Variants in DLG2 observed in about 807,000 individuals in gnomAD.
DLG2 encodes discs large MAGUK scaffold protein 2, also known as disks large homolog 2.
A neutral mutation model predicts 132.5 loss-of-function variants in DLG2; 45 were observed. The observed-to-expected ratio is 0.34, with a 90% CI of 0.27 to 0.44. DLG2 has a LOEUF of 0.44. Among genes scored for constraint, DLG2 ranks in the 20% least tolerant of loss-of-function variants. The pLI, the probability that DLG2 is intolerant of heterozygous loss-of-function variation, is 1.00. For synonymous variants in DLG2, 424 were observed against 419.6 expected, an observed-to-expected ratio of 1.01 and a Z score of -0.13; for missense variants, 1,045 against 1,196.9, an observed-to-expected ratio of 0.87 and a Z score of 1.87.
intron 3 of DLG2, among the ~76,000 whole-genome samples, chr11:85,544,082 T>C (rs894435786): frequency 2.0e-5 from 3 of 152,216 alleles, no homozygotes; most frequent in African/African-American, 7.2e-5. Flanking sequence ...ATGTCCTGAA[T>C]GGTATTGCCA....
intron 6 of DLG2, among the ~76,000 whole-genome samples, chr11:84,972,882 A>G (rs935434166): frequency 1.3e-5 from 2 of 151,356 alleles, no homozygotes; most frequent in Non-Finnish European, 2.9e-5. Context: ...CCTGGGTTCA[A>G]TTTTTAGTCC....
intron 20 of DLG2, among the ~76,000 whole-genome samples, chr11:83,536,052 G>GT (rs906153351): frequency 6.6e-6 from 1 of 152,134 alleles, no homozygotes; most frequent in African/African-American, 2.4e-5. Flanking sequence ...CTCAACAAAC[G>GT]TGAGATTTTT....
chr11:84,824,313 C>T (rs1039081564), intron 6 of DLG2, among the ~76,000 whole-genome samples: 2 of 151,886 alleles, frequency 1.3e-5, no homozygotes, highest in Admixed American at 6.6e-5. Context: ...ATTTGAGGCA[C>T]AGCTACTGAT....
rs187293047 is a variant in DLG2 at position 84,386,712 on chromosome 11, C to T, written c.520-135421G>A. 9.8e-4 allele frequency among the ~76,000 whole-genome samples: 149 copies of T among 152,160 alleles called. 1 individual carries two copies. The highest frequency in any genetic ancestry group is 3.4e-3 in the African/African-American group (140 of 41,520). On this transcript the variant is annotated intron_variant, in intron 7 of 27. Transcript: ENST00000376104. ...TTTTTTCTTTGCAAATCCAATGTCA[C>T]GAACCTTGGATCACTCATGAGAGAA... is the stretch of plus-strand genomic sequence containing the variant.
chr11:84,837,371 C>G (rs1027990605), intron 6 of DLG2, among the ~76,000 whole-genome samples: 4 of 151,590 alleles, frequency 2.6e-5, no homozygotes, highest in Admixed American at 1.3e-4. Flanking sequence ...CACTGAATAT[C>G]TCAGTTTGAA....
chr11:84,888,612 A>G (rs1174431155), intron 6 of DLG2, among the ~76,000 whole-genome samples: 1 of 131,562 alleles, frequency 7.6e-6, no homozygotes, highest in East Asian at 2.0e-4. Flanking sequence ...TTTCTCTGGA[A>G]AACCCTAATA....
At chr11:83,547,198 A>G (rs989025634) in intron 19 of DLG2, among the ~76,000 whole-genome samples, 1 of 152,148 alleles carries the variant, frequency 6.6e-6, no homozygotes, top group Non-Finnish European at 1.5e-5. Context: ...ATGGAAAGAC[A>G]GTATCACTAA....
chr11:84,010,967 C>A (rs994773484), intron 11 of DLG2, among the ~76,000 whole-genome samples: 1 of 152,020 alleles, frequency 6.6e-6, no homozygotes, highest in Non-Finnish European at 1.5e-5. Context: ...TCCTGTATTT[C>A]GAATTAGTTC....
At chr11:83,966,066 T>C (rs973358232) in intron 12 of DLG2, among the ~76,000 whole-genome samples, 2 of 152,068 alleles carry the variant, frequency 1.3e-5, no homozygotes, top group Non-Finnish European at 2.9e-5. Flanking sequence ...CTATAAATAA[T>C]GTTGCACTAA....
chr11:84,752,480 A>T (rs528007625), intron 6 of DLG2, among the ~76,000 whole-genome samples: 3 of 151,418 alleles, frequency 2.0e-5, no homozygotes, highest in Non-Finnish European at 2.9e-5. Context: ...TTTTATTATT[A>T]TTTTTTTATC....
intron 21 of DLG2, among the ~76,000 whole-genome samples, chr11:83,522,082 G>A (rs2095495194): frequency 6.6e-6 from 1 of 152,134 alleles, no homozygotes; most frequent in African/African-American, 2.4e-5. Flanking sequence ...CCCATTGAAT[G>A]GAATACTCGC....
intron 6 of DLG2, among the ~76,000 whole-genome samples, chr11:84,845,152 G>C (rs1378313152): frequency 7.9e-5 from 12 of 152,204 alleles, no homozygotes; most frequent in Admixed American, 5.9e-4. Context: ...CAGGAGACAA[G>C]GGTTGGTTTA....
chr11:83,828,827 T>C (rs1318299092), intron 17 of DLG2, among the ~76,000 whole-genome samples: 1 of 152,220 alleles, frequency 6.6e-6, no homozygotes, highest in African/African-American at 2.4e-5. Context: ...GTATTTTAAG[T>C]GTTACTGTCT....
At chr11:85,589,320 C>T (rs1455478707) in intron 3 of DLG2, among the ~76,000 whole-genome samples, 1 of 152,114 alleles carries the variant, frequency 6.6e-6, no homozygotes, top group Non-Finnish European at 1.5e-5. Context: ...GAAGGTGGTG[C>T]TTTCAAGAGA....
chr11:84,177,677 C>T (rs2096007596), intron 8 of DLG2, among the ~76,000 whole-genome samples: 1 of 152,088 alleles, frequency 6.6e-6, no homozygotes, highest in Non-Finnish European at 1.5e-5. Flanking sequence ...TTGACTCTGC[C>T]AGTTAATAGC....
At chr11:83,553,695 C>T (rs2096450740) in intron 19 of DLG2, among the ~76,000 whole-genome samples, 1 of 152,114 alleles carries the variant, frequency 6.6e-6, no homozygotes, top group Admixed American at 6.6e-5. Context: ...GTCTGACTTT[C>T]ACCCAGTAAG....
intron 2 of DLG2, among the ~76,000 whole-genome samples, chr11:85,612,887 T>C (rs2081097035): frequency 6.6e-6 from 1 of 152,106 alleles, no homozygotes; most frequent in Admixed American, 6.5e-5. Context: ...ATCTATCCAG[T>C]AAGGATAGTA....
At chr11:85,049,660 T>C (rs2062702010) in intron 6 of DLG2, among the ~76,000 whole-genome samples, 1 of 152,020 alleles carries the variant, frequency 6.6e-6, no homozygotes. Flanking sequence ...GCTGATACTT[T>C]CTCATGGCAC....
chr11:85,165,731 T>C (rs964247541), intron 4 of DLG2, among the ~76,000 whole-genome samples: 1 of 152,202 alleles, frequency 6.6e-6, no homozygotes, highest in Admixed American at 6.6e-5. Flanking sequence ...ACAGCAACTA[T>C]ATATTTTTAA....
Sources: gnomAD v4.1 joint callset for allele counts (sites outside exome capture counted in the v4.1 genomes callset) on GRCh38, gnomAD v4.1.1 for gene constraint, MANE v1.5 for transcripts, NCBI Gene and HGNC (gene_info 2026-07-23, HGNC 2026-07-21) for gene names.